The following SHANK2 variants were observed in gnomAD, a reference collection of about 807,000 sequenced individuals.
The protein encoded by SHANK2 is SH3 and multiple ankyrin repeat domains 2.
In SHANK2, 43 loss-of-function variants were observed where a neutral mutation model predicts 133.7. The observed-to-expected ratio is 0.32, with a 90% CI of 0.25 to 0.41. The LOEUF (loss-of-function observed/expected upper bound fraction) is 0.41, where lower values mean the gene tolerates loss of function less well. Among genes scored for constraint, SHANK2 ranks in the 10% least tolerant of loss-of-function variants. The pLI, the probability that SHANK2 is intolerant of heterozygous loss-of-function variation, is 1.00. For synonymous variants in SHANK2, 1,017 were observed against 952.8 expected, an observed-to-expected ratio of 1.07 and a Z score of -1.24; for missense variants, 1,994 against 2,235.8, an observed-to-expected ratio of 0.89 and a Z score of 2.18.
Position 70,941,315 on chromosome 11 carries a change from C to T in SHANK2, c.1108-44748G>A, listed in dbSNP as rs115138407. 4.1e-3 allele frequency among the ~76,000 whole-genome samples: 629 copies of T among 152,294 alleles called. 6 individuals are homozygous for T. Among genetic ancestry groups the T allele is most frequent in the African/African-American group, 0.014 (598 of 41,550 alleles). On this transcript the variant is annotated intron_variant, in intron 10 of 25. Transcript: ENST00000601538. ...ATGGAGGCTGACACACTTAGACACA[C>T]GATGCCTCCCAGAACTACATCTGAA...
At chr11:71,249,564 T>C (rs1948142154) in intron 1 of SHANK2, among the ~76,000 whole-genome samples, 1 of 152,176 alleles carries the variant, frequency 6.6e-6, no homozygotes, top group Admixed American at 6.5e-5. Flanking sequence ...AGGCTGGAAT[T>C]GCAGGCAGGT....
intron 8 of SHANK2, among the ~76,000 whole-genome samples, chr11:71,087,679 A>G (rs1951436677): frequency 6.6e-6 from 1 of 152,166 alleles, no homozygotes; most frequent in African/African-American, 2.4e-5. Context: ...TCCAGGCTGA[A>G]GTGCAGTGGC....
intron 11 of SHANK2, among the ~76,000 whole-genome samples, chr11:70,845,651 A>G (rs1948986208): frequency 6.6e-6 from 1 of 152,196 alleles, no homozygotes; most frequent in Non-Finnish European, 1.5e-5. Context: ...CTGAGATGCC[A>G]ATAAAACCCA....
chr11:70,738,493 G>C (rs375253878), intron 14 of SHANK2, among the ~76,000 whole-genome samples: 6 of 152,352 alleles, frequency 3.9e-5, no homozygotes, highest in African/African-American at 1.4e-4. Context: ...TGCCCCTCGT[G>C]TGCGGGGAGC....
chr11:71,163,093 A>AAATATATAT, intron 2 of SHANK2, among the ~76,000 whole-genome samples: 4 of 84,706 alleles, frequency 4.7e-5, no homozygotes, highest in African/African-American at 1.4e-4. Flanking sequence ...AAAAAAAAAA[A>AAATATATAT]ATACATATAT....
intron 1 of SHANK2, among the ~76,000 whole-genome samples, chr11:71,243,107 A>G (rs1182284917): frequency 6.6e-6 from 1 of 152,240 alleles, no homozygotes; most frequent in Non-Finnish European, 1.5e-5. Flanking sequence ...CTATGTTAAA[A>G]AGAAGAAAAA....
At chr11:71,108,142 G>A (rs554445897) in intron 6 of SHANK2, among the ~76,000 whole-genome samples, 14 of 152,210 alleles carry the variant, frequency 9.2e-5, no homozygotes, top group Non-Finnish European at 1.9e-4. Context: ...GTCATGCTCA[G>A]GAGCACCTGG....
intron 14 of SHANK2, among the ~76,000 whole-genome samples, chr11:70,743,132 G>A (rs1363971274): frequency 3.3e-5 from 5 of 151,546 alleles, no homozygotes; most frequent in Admixed American, 6.6e-5. Context: ...GGCACAGGGC[G>A]GGGGCTGGAG....
intron 9 of SHANK2, among the ~76,000 whole-genome samples, chr11:71,058,293 C>T (rs1231723056): frequency 6.6e-6 from 1 of 152,202 alleles, no homozygotes; most frequent in Admixed American, 6.5e-5. Flanking sequence ...TCGCCAACCC[C>T]TCTGAAGCTC....
chr11:71,242,136 C>G (rs1021415175), intron 1 of SHANK2, among the ~76,000 whole-genome samples: 31 of 152,224 alleles, frequency 2.0e-4, no homozygotes, highest in African/African-American at 7.0e-4. Flanking sequence ...AAGCCAGACT[C>G]AAAAAGACAA....
Position 70,479,414 on chromosome 11 carries a change from G to A in SHANK2, c.4979+5900C>T, listed in dbSNP as rs1201836483. On this transcript the variant is annotated intron_variant, in intron 25 of 25. Transcript: ENST00000601538. The surrounding 1 kb of genome is among the most constrained non-coding windows in gnomAD (Gnocchi z 4.4). Reference sequence around the variant, plus strand: ...GCCTTGGGAAGGGGAGGCAGGTACCGTGAGGCAGCAGGCGCAGGGGCCTCG... The same window carrying A: ...GCCTTGGGAAGGGGAGGCAGGTACCATGAGGCAGCAGGCGCAGGGGCCTCG... 3.3e-5 allele frequency among the ~76,000 whole-genome samples: 5 copies of A among 152,258 alleles called. No individual in the cohort carries two copies. Among genetic ancestry groups the A allele is most frequent in the African/African-American group, 1.2e-4 (5 of 41,466 alleles).
intron 9 of SHANK2, among the ~76,000 whole-genome samples, chr11:71,062,605 G>A (rs1338789228): frequency 5.9e-5 from 9 of 152,206 alleles, no homozygotes; most frequent in Admixed American, 2.0e-4. Context: ...GTGGCCTGGC[G>A]AATTGGAATA....
intron 11 of SHANK2, among the ~76,000 whole-genome samples, chr11:70,875,397 C>T (rs1473583179): frequency 2.0e-5 from 3 of 151,512 alleles, no homozygotes; most frequent in Middle Eastern, 3.5e-3. Flanking sequence ...TGGTGGCAGG[C>T]GCCTGTAGTC....
Position 71,092,333 on chromosome 11 carries a change from C to A in SHANK2, c.912+89G>T. The A allele has an allele frequency of 4.2e-6, 6 of 1,442,212 alleles. No homozygotes were observed. The Admixed American group carries it at 1.2e-4, about 28-fold the overall frequency. The allele number at this position is 1,442,212 out of a possible 1,614,324, so 89.3% of individuals were successfully genotyped here. A position where few individuals can be genotyped will look rare whatever the true frequency, so the allele number is the denominator to read the frequency against. ...AAAATACCTGAAGGCAGGATCTAAC[C>A]TTTGGGCCACCCTGCTTATCTGCGG... On this transcript the variant is annotated intron_variant, in intron 8 of 25. Coordinates refer to ENST00000601538, the MANE Select transcript of SHANK2 (RefSeq NM_012309.5).
In SHANK2 at chr11:70,810,618, C is replaced by T. The variant is rs367859054; in HGVS notation, c.1494-3447G>A. On this transcript the variant is annotated intron_variant, in intron 12 of 25. Coordinates refer to ENST00000601538, the MANE Select transcript of SHANK2 (RefSeq NM_012309.5). ...GGCTCTGTGGACGGCCTGAACCTCC[C>T]GTCACTCCCAGGCTGACCTGCCCCA... 4.6e-5 allele frequency among the ~76,000 whole-genome samples: 7 copies of T among 152,374 alleles called. No homozygotes were observed. The South Asian group carries it at 1.0e-3, about 23-fold the overall frequency.
intron 25 of SHANK2, among the ~76,000 whole-genome samples, chr11:70,478,932 G>A (rs1157817843): frequency 1.3e-5 from 2 of 152,218 alleles, no homozygotes. Flanking sequence ...CAGGAGGTTC[G>A]CAGCTAAGAT....
chr11:70,681,319 GA>G (rs1945025255), intron 15 of SHANK2, among the ~76,000 whole-genome samples: 1 of 152,172 alleles, frequency 6.6e-6, no homozygotes, highest in Admixed American at 6.5e-5. Flanking sequence ...ATTCGCACTG[GA>G]GGAGAATTCA....
chr11:71,156,755 T>C (rs1952913292), intron 2 of SHANK2, among the ~76,000 whole-genome samples: 1 of 152,214 alleles, frequency 6.6e-6, no homozygotes, highest in Non-Finnish European at 1.5e-5. Context: ...TATATGGCAG[T>C]GTCTCAGAGA....
chr11:70,898,558 A>C (rs1184180190), intron 10 of SHANK2, among the ~76,000 whole-genome samples: 2 of 152,158 alleles, frequency 1.3e-5, no homozygotes, highest in African/African-American at 4.8e-5. Context: ...GTGGCAAAGA[A>C]CTTGGCTCAA....
Sources: allele counts gnomAD v4.1 joint callset (sites outside exome capture counted in the v4.1 genomes callset), GRCh38; gene constraint gnomAD v4.1.1; non-coding constraint Gnocchi (gnomAD v3.1); transcripts MANE v1.5; gene names NCBI Gene and HGNC (gene_info 2026-07-23, HGNC 2026-07-21).